The following GPCPD1 variants were observed in gnomAD, a reference collection of about 807,000 sequenced individuals.
GPCPD1 encodes the protein glycerophosphocholine phosphodiesterase 1, also known as glycerophosphocholine phosphodiesterase GPCPD1.
A neutral mutation model predicts 89.2 loss-of-function variants in GPCPD1; 29 were observed. The observed-to-expected ratio is 0.33, with a 90% CI of 0.24 to 0.44. The LOEUF (loss-of-function observed/expected upper bound fraction) is 0.44. Among genes scored for constraint, GPCPD1 ranks in the 20% least tolerant of loss-of-function variants. The probability of loss-of-function intolerance (pLI) is 1.00; values close to 1 mark genes in which losing one functional copy is unlikely to be tolerated. For synonymous variants in GPCPD1, 258 were observed against 266.3 expected (o/e 0.97, Z 0.30); for missense variants, 594 against 808.9 (o/e 0.73, Z 3.22).
Position 5,584,308 on chromosome 20 carries a change from T to C in GPCPD1, c.322A>G (p.Ile108Val), listed in dbSNP as rs1978762243. The C allele has an allele frequency of 1.4e-6, 2 of 1,424,288 alleles. No individual in the cohort carries two copies. The highest frequency in any genetic ancestry group is 2.0e-6 in the Non-Finnish European group (2 of 1,010,644). The allele number at this position is 1,424,288 out of a possible 1,614,324, so 88.2% of individuals were successfully genotyped here. Residue 108 changes from isoleucine (I) to valine (V), a missense_variant, in exon 6 of 20, where the codon ATT becomes GTT. Coordinates refer to ENST00000379019, the MANE Select transcript of GPCPD1 (RefSeq NM_019593.5). Reference protein sequence around the residue: ...SITPLESEIIIDDGQFGIHNG... With the variant: ...SITPLESEIIVDDGQFGIHNG... ...TGGATTCCAAATTGTCCATCGTCAA[T>C]AATAATTTCGCTTTCTAGAATTTAA...
intron 1 of GPCPD1, among the ~76,000 whole-genome samples, chr20:5,610,037 C>A (rs1164846573): frequency 6.6e-6 from 1 of 152,112 alleles, no homozygotes; most frequent in African/African-American, 2.4e-5. Context: ...TCCATCAGTT[C>A]CTCTATGCAG....
intron 16 of GPCPD1, among the ~76,000 whole-genome samples, chr20:5,561,260 T>C (rs1986061398): frequency 6.6e-6 from 1 of 152,246 alleles, no homozygotes. Flanking sequence ...TTCTACAATA[T>C]TCATCATTAA....
chr20:5,584,167 T>C, intron 6 of GPCPD1, 114 bp downstream of exon 6: 1 of 570,192 alleles, frequency 1.8e-6, no homozygotes, highest in Non-Finnish European at 3.2e-6. Context: ...CAAAATATCG[T>C]TATGCAGCAC....
chr20:5,602,612 A>G (rs1234069603), intron 2 of GPCPD1, among the ~76,000 whole-genome samples: 1 of 152,248 alleles, frequency 6.6e-6, no homozygotes, highest in Non-Finnish European at 1.5e-5. Flanking sequence ...CATTCTTTGA[A>G]TACAGATATA....
chr20:5,565,437 C>T (rs773423414), intron 14 of GPCPD1, among the ~76,000 whole-genome samples: 1 of 151,934 alleles, frequency 6.6e-6, no homozygotes, highest in Admixed American at 6.6e-5. Flanking sequence ...TCTAGTTGCT[C>T]AGGCTGATCT....
intron 14 of GPCPD1, among the ~76,000 whole-genome samples, chr20:5,566,261 A>C (rs532527689): frequency 1.3e-5 from 2 of 152,242 alleles, no homozygotes; most frequent in African/African-American, 2.4e-5. Flanking sequence ...GACATATATG[A>C]AAATAAAGGA....
intron 5 of GPCPD1, chr20:5,585,185 G>T (rs903780196): frequency 2.6e-5 from 4 of 151,970 alleles, no homozygotes; most frequent in East Asian, 1.9e-4. Flanking sequence ...TCAATACCTA[G>T]TAAGTTCCAA....
Position 5,593,338 on chromosome 20 carries a change from A to G in GPCPD1, c.220T>C (p.Leu74=). The change falls in exon 4 of 20, where the codon TTA becomes CTA. Residue 74 remains leucine (L), a synonymous_variant. Coordinates refer to ENST00000379019, the MANE Select transcript of GPCPD1 (RefSeq NM_019593.5). ...VQYRYFKGYF[L]EPKTIGGPCQ... is the part of the protein sequence containing the mutation. ...TAAAGAAAACATACCTTTGGTTCTA[A>G]AAAGTACCCTTTGAAGTAGCGATAC... The G allele has an allele frequency of 6.4e-7, 1 of 1,550,982 alleles. No homozygotes were observed. Among genetic ancestry groups the G allele is most frequent in the Non-Finnish European group, 8.9e-7 (1 of 1,122,984 alleles).
At chr20:5,604,613 G>GGGGA (rs200807441) in intron 1 of GPCPD1, among the ~76,000 whole-genome samples, 173 bp from the exon 2 acceptor site, 1,488 of 70,794 alleles carry the variant, frequency 0.021, 183 homozygotes, top group East Asian at 0.13. Context: ...CTTTAGTGCG[G>GGGGA]GGGGGGGGGG....
intron 3 of GPCPD1, among the ~76,000 whole-genome samples, chr20:5,596,710 T>G (rs1979755007): frequency 1.3e-5 from 2 of 152,236 alleles, no homozygotes; most frequent in South Asian, 4.2e-4. Context: ...AGAGAAAGCT[T>G]AAGACGCTCC....
rs561525501 is a variant in GPCPD1, at chr20:5,601,341, T to C, written c.50-2520A>G. Reference sequence around the variant, plus strand: ...CACCACTGCACTTCAACCTGGGCAATAGAGGGAGACCCTGTTAATCTTTTT... The same window carrying C: ...CACCACTGCACTTCAACCTGGGCAACAGAGGGAGACCCTGTTAATCTTTTT... On this transcript the variant is annotated intron_variant, in intron 2 of 19. Coordinates refer to ENST00000379019, the MANE Select transcript of GPCPD1 (RefSeq NM_019593.5). Among the ~76,000 whole-genome samples, 14 of 147,054 alleles carry C rather than the reference T, an allele frequency of 9.5e-5. No individual in the cohort carries two copies. The South Asian group carries it at 1.3e-3, about 14-fold the overall frequency.
chr20:5,581,553 G>T (rs957317135), intron 6 of GPCPD1, among the ~76,000 whole-genome samples: 2 of 152,154 alleles, frequency 1.3e-5, no homozygotes, highest in African/African-American at 4.8e-5. Context: ...GAACAGAACT[G>T]TGAGTCAGAG....
At chr20:5,572,654 C>T (rs1356096165) in intron 11 of GPCPD1, among the ~76,000 whole-genome samples, 3 of 152,080 alleles carry the variant, frequency 2.0e-5, no homozygotes, top group Non-Finnish European at 4.4e-5. Flanking sequence ...TGAGATGTTC[C>T]TCCATTTTCC....
rs1277689269 is a variant in GPCPD1, at chr20:5,588,854, G to GA, written c.232-2586dup. On this transcript the variant is annotated intron_variant, in intron 4 of 19. Transcript: ENST00000379019. ...AAGAAAAAGAAAAAAAAAAGAAAAAGAAAAGGGTGCTATGAATATAATATT... is the reference window on the plus strand; with the variant it reads ...AAGAAAAAGAAAAAAAAAAGAAAAAGAAAAAGGGTGCTATGAATATAATATT... 3.9e-4 allele frequency among the ~76,000 whole-genome samples: 55 copies of GA among 140,608 alleles called. 2 individuals are homozygous for GA. The South Asian group carries it at 0.012, about 31-fold the overall frequency. The allele number at this position is 140,608 out of a possible 152,430, so 92.2% of individuals were successfully genotyped here. A position where few individuals can be genotyped will look rare whatever the true frequency, so the allele number is the denominator to read the frequency against.
At chr20:5,581,814 C>CTTTTTTTTTTTTTTTTTTTTTTTTT (rs11479995) in intron 6 of GPCPD1, among the ~76,000 whole-genome samples, 2 of 75,030 alleles carry the variant, frequency 2.7e-5, no homozygotes, top group African/African-American at 7.6e-5. Flanking sequence ...GGGACTTTAA[C>CTTTTTTTTTTTTTTTTTTTTTTTTT]TTTTTTTTTT....
At chr20:5,605,413 C>T (rs1980512340) in intron 1 of GPCPD1, among the ~76,000 whole-genome samples, 1 of 152,170 alleles carries the variant, frequency 6.6e-6, no homozygotes, top group Admixed American at 6.5e-5. Flanking sequence ...CTAAAACAAA[C>T]TACTTGTTAT....
chr20:5,588,583 G>A (rs1979096078), intron 4 of GPCPD1, among the ~76,000 whole-genome samples: 1 of 150,576 alleles, frequency 6.6e-6, no homozygotes, highest in Non-Finnish European at 1.5e-5. Flanking sequence ...CCAGCACTTA[G>A]GGAGGCCAAG....
At position 5,566,942 on chromosome 20, in the gene GPCPD1, A is replaced by G. The variant is rs75210385; in HGVS notation, c.1228-170T>C. Among the ~76,000 whole-genome samples, 3 of 152,332 alleles carry G rather than the reference A, an allele frequency of 2.0e-5. No individual in the cohort carries two copies. In the East Asian group the frequency reaches 5.8e-4, roughly 29 times the overall value. On this transcript the variant is annotated intron_variant, in intron 13 of 19. Transcript: ENST00000379019. Reference sequence around the variant, plus strand: ...CACTATATATATTTTATATGTGCATACACATTTAAGATAATGATCAAATAC... The same window carrying G: ...CACTATATATATTTTATATGTGCATGCACATTTAAGATAATGATCAAATAC...
chr20:5,572,047 C>T (rs1416501255), intron 11 of GPCPD1, among the ~76,000 whole-genome samples: 1 of 151,934 alleles, frequency 6.6e-6, no homozygotes, highest in Non-Finnish European at 1.5e-5. Flanking sequence ...AGTGAGATCC[C>T]GTCTCTACAA....
Sources: gnomAD v4.1 joint callset for allele counts (sites outside exome capture counted in the v4.1 genomes callset) on GRCh38, gnomAD v4.1.1 for gene constraint, MANE v1.5 for transcripts, NCBI Gene and HGNC (gene_info 2026-07-23, HGNC 2026-07-21) for gene names.